DENND11: variants seen among roughly 807,000 people sequenced by gnomAD.
DENND11 encodes DENN domain containing 11, also known as DENN domain-containing protein 11.
Under a neutral mutation model 49.2 loss-of-function variants are expected in DENND11, and 34 were observed. The observed-to-expected ratio is 0.69, with a 90% CI of 0.53 to 0.92. DENND11 has a LOEUF of 0.92. DENND11 is among the 40% of genes least tolerant of loss of function. DENND11 has a pLI of 0.00. For missense variants in DENND11, 475 were observed against 581.6 expected, an observed-to-expected ratio of 0.82 and a Z score of 1.88; for synonymous variants, 238 against 230.3, an observed-to-expected ratio of 1.03 and a Z score of -0.30.
Position 141,666,342 on chromosome 7 carries a change from A to C in DENND11, c.765T>G (p.Leu255=). The C allele has an allele frequency of 6.2e-7, 1 of 1,613,410 alleles. No homozygotes were observed. The highest frequency in any genetic ancestry group is 2.2e-5 in the East Asian group (1 of 44,876). The change falls in exon 5 of 9, where the codon CTT becomes CTG. Residue 255 remains leucine (L), a synonymous_variant. Transcript: ENST00000536163. ...GAGAAAATATCAAAATGCGCTTTCG[A>C]AGTAAGGCAAATTTCCAGAGGATGA... ...QILILWKFAL[L]RKRILIFSPP... is the part of the protein sequence containing the mutation.
chr7:141,694,418 G>A (rs958118167), intron 1 of DENND11, among the ~76,000 whole-genome samples: 4 of 152,200 alleles, frequency 2.6e-5, no homozygotes, highest in Admixed American at 2.6e-4. Flanking sequence ...GCGCCACCAT[G>A]CCGGGCTAAT....
rs146550216 is a variant in DENND11 at position 141,674,980 on chromosome 7, A to G, written c.528-760T>C. Among the ~76,000 whole-genome samples, 604 of 152,162 alleles carry G rather than the reference A, an allele frequency of 4.0e-3. 4 individuals are homozygous for G. The highest frequency in any genetic ancestry group is 0.014 in the African/African-American group (561 of 41,494). On this transcript the variant is annotated intron_variant, in intron 3 of 8. Coordinates refer to ENST00000536163, the MANE Select transcript of DENND11 (RefSeq NM_001080392.2). Reference sequence around the variant, plus strand: ...CTGTTTGTCACTATATTTAATGGGGATGTTATAGGTTGAATTTTGTCCCCA... The same window carrying G: ...CTGTTTGTCACTATATTTAATGGGGGTGTTATAGGTTGAATTTTGTCCCCA...
chr7:141,676,693 A>T (rs1798064264), intron 3 of DENND11, among the ~76,000 whole-genome samples: 1 of 152,254 alleles, frequency 6.6e-6, no homozygotes, highest in African/African-American at 2.4e-5. Context: ...GTCAAACTAC[A>T]ATATCAAGAA....
chr7:141,673,093 C>T (rs538699139), intron 4 of DENND11, among the ~76,000 whole-genome samples: 12 of 152,328 alleles, frequency 7.9e-5, no homozygotes, highest in African/African-American at 2.9e-4. Flanking sequence ...CACATCTCTG[C>T]AAAGGCAATG....
chr7:141,675,176 C>T (rs1481011393), intron 3 of DENND11, among the ~76,000 whole-genome samples: 1 of 152,140 alleles, frequency 6.6e-6, no homozygotes, highest in African/African-American at 2.4e-5. Flanking sequence ...ATACAGCAAA[C>T]AGCAGGTGAA....
In DENND11 at chr7:141,676,871, C is replaced by T. The variant is rs114580879; in HGVS notation, c.528-2651G>A. ...CCACCTATGGAAACTGTCCAAGAGC[C>T]GTGACACTGTAAAAACTAGAGAATA... On this transcript the variant is annotated intron_variant, in intron 3 of 8. Transcript: ENST00000536163. Among the ~76,000 whole-genome samples the T allele has an allele frequency of 4.0e-3, 615 of 152,224 alleles. 4 individuals carry two copies. The highest frequency in any genetic ancestry group is 0.014 in the African/African-American group (566 of 41,532).
At chr7:141,686,467 C>A in intron 2 of DENND11, 92 bp downstream of exon 2, 1 of 781,464 alleles carries the variant, frequency 1.3e-6, no homozygotes, top group South Asian at 1.5e-5. Context: ...ACACAGCACA[C>A]GAAGACCTCC....
rs368499102 is a variant in DENND11, at chr7:141,683,476, T to TA, written c.527+2001dup. Among the ~76,000 whole-genome samples, 409 of 150,872 alleles carry TA rather than the reference T, an allele frequency of 2.7e-3. 2 individuals carry two copies. The highest frequency in any genetic ancestry group is 9.3e-3 in the African/African-American group (382 of 41,172). ...CAACATGGTGAAACCCCGTCTCTAC[T>TA]AAAAAAAAATAAATAAATTAGCCGG... On this transcript the variant is annotated intron_variant, in intron 3 of 8. Transcript: ENST00000536163.
chr7:141,686,550 A>T lies in DENND11; in HGVS notation c.368+9T>A. ...GGTACGAAGATGACTCCAGTTCAGA[A>T]GTACTTACATGAAATCAGATTGGAT... On this transcript the variant is annotated intron_variant, in intron 2 of 8. Transcript: ENST00000536163. 1 of 1,570,074 alleles carries T rather than the reference A, an allele frequency of 6.4e-7. No individual in the cohort carries two copies. Among genetic ancestry groups the T allele is most frequent in the African/African-American group, 1.3e-5 (1 of 74,186 alleles).
chr7:141,666,568 A>G, intron 4 of DENND11, 143 bp from the exon 5 acceptor site: 1 of 801,992 alleles, frequency 1.2e-6, no homozygotes, highest in South Asian at 2.9e-5. Context: ...TCCACACACA[A>G]TGATGTTTTT....
chr7:141,662,878 A>C, intron 8 of DENND11, 27 bp from the exon 9 acceptor site: 1 of 1,496,262 alleles, frequency 6.7e-7, no homozygotes, highest in Non-Finnish European at 8.9e-7. Flanking sequence ...AGACACAGGA[A>C]AGGAAGCGGG....
intron 1 of DENND11, among the ~76,000 whole-genome samples, chr7:141,699,014 G>A (rs1798461556): frequency 6.6e-6 from 1 of 152,174 alleles, no homozygotes; most frequent in Non-Finnish European, 1.5e-5. Context: ...GGACACAGGT[G>A]GGAGAGACAT....
rs1257893223 is a variant in DENND11 at position 141,656,823 on chromosome 7, G to A, written c.*5833C>T. ...ACACAACTTGGTTCAGATATATACA[G>A]ATATGATATTCATAGATGTTATTTG... On this transcript the variant is annotated 3_prime_UTR_variant, in exon 9 of 9. Transcript: ENST00000536163. 2 of 152,820 alleles carry A rather than the reference G, an allele frequency of 1.3e-5. No homozygotes were observed. The highest frequency in any genetic ancestry group is 2.9e-5 in the Non-Finnish European group (2 of 68,080). The allele number at this position is 152,820 out of a possible 1,614,324, so 9.5% of individuals were successfully genotyped here.
At chr7:141,701,044 C>G (rs1027217882) in intron 1 of DENND11, among the ~76,000 whole-genome samples, 6 of 152,070 alleles carry the variant, frequency 3.9e-5, no homozygotes, top group African/African-American at 1.4e-4. Context: ...GTCAGAAGTC[C>G]CTAGCTGACC....
intron 3 of DENND11, among the ~76,000 whole-genome samples, chr7:141,679,188 A>T (rs1217962461): frequency 1.3e-5 from 2 of 152,208 alleles, no homozygotes; most frequent in African/African-American, 4.8e-5. Context: ...ATACTCTGTC[A>T]TACAAGTCTC....
In DENND11 at chr7:141,694,688, T is replaced by A. The variant is rs184833980; in HGVS notation, c.268+7198A>T. Among the ~76,000 whole-genome samples the A allele has an allele frequency of 3.5e-4, 54 of 152,374 alleles. 1 individual carries two copies. Among genetic ancestry groups the A allele is most frequent in the Non-Finnish European group, 2.4e-4 (16 of 68,040 alleles). On this transcript the variant is annotated intron_variant, in intron 1 of 8. Transcript: ENST00000536163. ...ACAGTCAGTTCTGCTATAATGCTTG[T>A]TGAATCTGTTCCAAAGCAATCAATG...
chr7:141,677,402 A>AT (rs1491494193), intron 3 of DENND11, among the ~76,000 whole-genome samples: 2,188 of 75,758 alleles, frequency 0.029, 29 homozygotes, highest in Non-Finnish European at 0.038. Flanking sequence ...AAAAAAAAAA[A>AT]ATATATATAT....
At chr7:141,691,866 T>C (rs1584725481) in intron 1 of DENND11, among the ~76,000 whole-genome samples, 1 of 152,218 alleles carries the variant, frequency 6.6e-6, no homozygotes, top group East Asian at 1.9e-4. Context: ...GTCTTCACAT[T>C]TCTATATAGT....
intron 7 of DENND11, among the ~76,000 whole-genome samples, 171 bp from the exon 8 acceptor site, chr7:141,664,411 GC>G (rs1198067794): frequency 1.3e-5 from 2 of 152,154 alleles, no homozygotes; most frequent in African/African-American, 4.8e-5. Flanking sequence ...GGCCAGTTCT[GC>G]CCCTGGTAAT....
Sources: allele counts gnomAD v4.1 joint callset (sites outside exome capture counted in the v4.1 genomes callset), GRCh38; gene constraint gnomAD v4.1.1; transcripts MANE v1.5; gene names NCBI Gene and HGNC (gene_info 2026-07-23, HGNC 2026-07-21).